Variants in RASA3 observed in about 807,000 individuals in gnomAD.
RASA3 encodes ras GTPase-activating protein 3.
In RASA3, 73 loss-of-function variants were observed where a neutral mutation model predicts 110.0. The observed-to-expected ratio is 0.66, with a 90% CI of 0.55 to 0.81. The LOEUF (loss-of-function observed/expected upper bound fraction) is 0.81. RASA3 is among the 30% of genes least tolerant of loss of function. The pLI, the probability that RASA3 is intolerant of heterozygous loss-of-function variation, is 0.00. For missense variants in RASA3, 976 were observed against 1,113.2 expected, an observed-to-expected ratio of 0.88 and a Z score of 1.75; for synonymous variants, 500 against 451.4, an observed-to-expected ratio of 1.11 and a Z score of -1.37.
chr13:113,998,675 GC>G (rs2053311998), intron 20 of RASA3, among the ~76,000 whole-genome samples: 1 of 152,212 alleles, frequency 6.6e-6, no homozygotes, highest in Non-Finnish European at 1.5e-5. Flanking sequence ...GGGGATTCCC[GC>G]CAGAAATGCA....
intron 18 of RASA3, among the ~76,000 whole-genome samples, chr13:114,004,903 CGT>C (rs1162420000): frequency 6.6e-6 from 1 of 152,192 alleles, no homozygotes; most frequent in Non-Finnish European, 1.5e-5. Context: ...ATAAAGAAAA[CGT>C]GGCATAAATA....
intron 2 of RASA3, among the ~76,000 whole-genome samples, chr13:114,060,518 T>A (rs940098802): frequency 5.3e-5 from 8 of 152,166 alleles, no homozygotes; most frequent in Non-Finnish European, 8.8e-5. Context: ...CAAATCCTGG[T>A]TGTCCTCATG....
rs139362286 is a variant in RASA3 at position 114,025,301 on chromosome 13, T to C, written c.604-946A>G. On this transcript the variant is annotated intron_variant, in intron 7 of 23. Coordinates refer to ENST00000334062, the MANE Select transcript of RASA3 (RefSeq NM_007368.4). Reference sequence around the variant, plus strand: ...CGCAGGGGCAGTTCTCTGCTTCGGGTTGAGGGCTGCTGACGCCTCCTCCTT... The same window carrying C: ...CGCAGGGGCAGTTCTCTGCTTCGGGCTGAGGGCTGCTGACGCCTCCTCCTT... Among the ~76,000 whole-genome samples, 92 of 152,346 alleles carry C rather than the reference T, an allele frequency of 6.0e-4. 2 individuals are homozygous for C. In the East Asian group the frequency reaches 0.017, roughly 27 times the overall value.
chr13:114,132,252 CCGGGGAGG>C (rs984125579), intron 1 of RASA3, among the ~76,000 whole-genome samples, 175 bp downstream of exon 1: 1 of 152,144 alleles, frequency 6.6e-6, no homozygotes, highest in African/African-American at 2.4e-5. Context: ...AGCCCGAGGC[CCGGGGAGG>C]CGGGGAGGTG....
At chr13:114,047,396 C>G (rs1368293867) in intron 3 of RASA3, among the ~76,000 whole-genome samples, 2 of 152,208 alleles carry the variant, frequency 1.3e-5, no homozygotes, top group Non-Finnish European at 2.9e-5. Context: ...TAAAAACTCA[C>G]AGTCCTAAGG....
chr13:114,114,736 C>A lies in RASA3; in HGVS notation c.55+17699G>T, dbSNP rs886220605. Among the ~76,000 whole-genome samples, 7 of 152,192 alleles carry A rather than the reference C, an allele frequency of 4.6e-5. No individual in the cohort carries two copies. The highest frequency in any genetic ancestry group is 4.6e-4 in the Admixed American group (7 of 15,282). On this transcript the variant is annotated intron_variant, in intron 1 of 23. Coordinates refer to ENST00000334062, the MANE Select transcript of RASA3 (RefSeq NM_007368.4). This position sits in a 1 kb window ranked among gnomAD's most constrained non-coding sequence, Gnocchi z 4.8. ...CATGTGGGCAGGGTTTCAGTGTAAA[C>A]CCGAGGGCAGGTTAAACACGCTCCC...
chr13:114,043,363 G>A (rs2054457293), intron 3 of RASA3, among the ~76,000 whole-genome samples: 1 of 152,142 alleles, frequency 6.6e-6, no homozygotes, highest in African/African-American at 2.4e-5. Context: ...ATCTTCATCT[G>A]ATGTCCTCAG....
chr13:114,079,349 A>T (rs1387709693), intron 1 of RASA3, among the ~76,000 whole-genome samples: 1 of 152,214 alleles, frequency 6.6e-6, no homozygotes, highest in African/African-American at 2.4e-5. Context: ...ACCCCGTCCC[A>T]GCAATAAAGC....
At chr13:114,100,265 G>T (rs138259057) in intron 1 of RASA3, among the ~76,000 whole-genome samples, 1 of 151,912 alleles carries the variant, frequency 6.6e-6, no homozygotes, top group Non-Finnish European at 1.5e-5. Context: ...CAGCACCAGC[G>T]GCTGCCCCTC....
At chr13:114,069,377 T>C (rs2079514089) in intron 2 of RASA3, among the ~76,000 whole-genome samples, 1 of 143,850 alleles carries the variant, frequency 7.0e-6, no homozygotes, top group Non-Finnish European at 1.5e-5. Context: ...CTTTGCCAAA[T>C]GAACCATCAG....
intron 9 of RASA3, among the ~76,000 whole-genome samples, chr13:114,020,627 T>C (rs538379948): frequency 1.1e-4 from 17 of 152,286 alleles, no homozygotes; most frequent in Admixed American, 3.3e-4. Flanking sequence ...TGCCTGTCGC[T>C]AAGGGACACA....
intron 4 of RASA3, among the ~76,000 whole-genome samples, chr13:114,037,178 C>G (rs1056636301): frequency 2.4e-4 from 36 of 152,108 alleles, no homozygotes; most frequent in Non-Finnish European, 5.9e-5. Flanking sequence ...CTGCGGCATT[C>G]TTATTTACAG....
intron 1 of RASA3, among the ~76,000 whole-genome samples, chr13:114,081,239 C>T (rs2079784361): frequency 6.6e-6 from 1 of 152,188 alleles, no homozygotes; most frequent in African/African-American, 2.4e-5. Flanking sequence ...CACGTCACTC[C>T]AGAGACTCAC....
chr13:114,055,842 G>A (rs1280852621), intron 2 of RASA3, among the ~76,000 whole-genome samples: 1 of 152,234 alleles, frequency 6.6e-6, no homozygotes, highest in African/African-American at 2.4e-5. Context: ...TCTCACACAA[G>A]AAGCCCAGCG....
intron 1 of RASA3, among the ~76,000 whole-genome samples, chr13:114,129,854 C>T (rs1377160820): frequency 6.6e-6 from 1 of 152,214 alleles, no homozygotes; most frequent in Non-Finnish European, 1.5e-5. Context: ...ATCCAGCGCT[C>T]CTGGAGACAA....
intron 19 of RASA3, among the ~76,000 whole-genome samples, chr13:114,000,422 G>T (rs1252643814): frequency 6.6e-6 from 1 of 152,176 alleles, no homozygotes; most frequent in Non-Finnish European, 1.5e-5. Context: ...GAAACTGCTA[G>T]ATATTTCCTA....
Position 114,114,455 on chromosome 13 carries a change from G to A in RASA3, c.55+17980C>T, listed in dbSNP as rs1379286079. ...GAGGGAGATGAACTAATCAGCAAATGCTCCTTGCACATTTCCTAGCTCTGT... is the reference window on the plus strand; with the variant it reads ...GAGGGAGATGAACTAATCAGCAAATACTCCTTGCACATTTCCTAGCTCTGT... On this transcript the variant is annotated intron_variant, in intron 1 of 23. Coordinates refer to ENST00000334062, the MANE Select transcript of RASA3 (RefSeq NM_007368.4). The surrounding 1 kb of genome is among the most constrained non-coding windows in gnomAD (Gnocchi z 4.8). Among the ~76,000 whole-genome samples, 3 of 152,208 alleles carry A rather than the reference G, an allele frequency of 2.0e-5. No homozygotes were observed. Among genetic ancestry groups the A allele is most frequent in the Admixed American group, 2.0e-4 (3 of 15,272 alleles).
chr13:114,105,542 C>A (rs949881172), intron 1 of RASA3, among the ~76,000 whole-genome samples: 1 of 152,202 alleles, frequency 6.6e-6, no homozygotes, highest in African/African-American at 2.4e-5. Context: ...GGGACAGGGA[C>A]CACCGGCATC....
chr13:114,104,862 C>T (rs2080112605), intron 1 of RASA3, among the ~76,000 whole-genome samples: 1 of 149,544 alleles, frequency 6.7e-6, no homozygotes, highest in African/African-American at 2.5e-5. Context: ...CACACGTTCA[C>T]ACCCTCCCCA....
Sources: allele counts gnomAD v4.1 joint callset (sites outside exome capture counted in the v4.1 genomes callset), GRCh38; gene constraint gnomAD v4.1.1; non-coding constraint Gnocchi (gnomAD v3.1); transcripts MANE v1.5; gene names NCBI Gene and HGNC (gene_info 2026-07-23, HGNC 2026-07-21).